The following ICE2 variants were observed in gnomAD, a reference collection of about 807,000 sequenced individuals.
ICE2 encodes the protein interactor of little elongation complex ELL subunit 2.
In ICE2, 87 loss-of-function variants were observed where a neutral mutation model predicts 105.4. That is an observed-to-expected ratio of 0.83 (90% CI 0.69 to 0.99). The LOEUF (loss-of-function observed/expected upper bound fraction) is 0.99, where lower values mean the gene tolerates loss of function less well. Ranked by LOEUF, ICE2 falls within the 50% of genes least tolerant of loss-of-function variation. ICE2 has a pLI of 0.00. For synonymous variants in ICE2, 399 were observed against 392.0 expected (o/e 1.02, Z -0.21); for missense variants, 1,323 against 1,146.7 (o/e 1.15, Z -2.22).
At chr15:60,425,693 C>T (rs1208297768) in intron 15 of ICE2, among the ~76,000 whole-genome samples, 1 of 152,140 alleles carries the variant, frequency 6.6e-6, no homozygotes, top group Non-Finnish European at 1.5e-5. Flanking sequence ...GAGGCAGAAA[C>T]GTTTGAACAA....
At position 60,448,120 on chromosome 15, in the gene ICE2, A is replaced by C. The variant is rs2063865895; in HGVS notation, c.2145T>G (p.Tyr715Ter). ...CTAGGTATTCCGATGTATCTTCAAC[A>C]TAGTCCTGAAGTTCATATGGCAATC... Reference protein sequence around the residue: ...KGRLPYELQDYVEDTSEYLAP... With the variant: ...KGRLPYELQD Residue 715 changes from tyrosine to a stop codon, truncating the protein, a stop_gained, in exon 11 of 16, where the codon TAT becomes TAG. Coordinates refer to ENST00000261520, the MANE Select transcript of ICE2 (RefSeq NM_024611.6). LOFTEE classifies it high-confidence loss of function. 6.2e-7 allele frequency: 1 copy of C among 1,611,644 alleles called. No homozygotes were observed. Among genetic ancestry groups the C allele is most frequent in the African/African-American group, 1.3e-5 (1 of 74,910 alleles).
intron 15 of ICE2, among the ~76,000 whole-genome samples, chr15:60,425,518 A>C (rs986994333): frequency 1.3e-5 from 2 of 152,222 alleles, no homozygotes; most frequent in Admixed American, 1.3e-4. Context: ...GCAGAAGTCA[A>C]AAGTAGCCCA....
chr15:60,444,061 A>T (rs2063773260), intron 11 of ICE2, among the ~76,000 whole-genome samples: 1 of 152,206 alleles, frequency 6.6e-6, no homozygotes, highest in Non-Finnish European at 1.5e-5. Flanking sequence ...TGATCGTGCT[A>T]CTGCACTCCT....
chr15:60,477,610 C>G (rs1335642715), intron 2 of ICE2, among the ~76,000 whole-genome samples: 1 of 152,084 alleles, frequency 6.6e-6, no homozygotes, highest in African/African-American at 2.4e-5. Context: ...TTTTTTATTA[C>G]TTGTATGGAA....
At chr15:60,431,833 T>C in intron 14 of ICE2, 101 bp downstream of exon 14, 1 of 624,820 alleles carries the variant, frequency 1.6e-6, no homozygotes, top group Admixed American at 3.3e-5. Context: ...CATTTCTAGG[T>C]TATTTTGTCT....
At chr15:60,477,230 T>C (rs998683774) in intron 2 of ICE2, among the ~76,000 whole-genome samples, 4 of 152,228 alleles carry the variant, frequency 2.6e-5, no homozygotes, top group Admixed American at 2.0e-4. Flanking sequence ...AATTCTTAAG[T>C]TTCTGCACAT....
Position 60,428,625 on chromosome 15 carries a change from T to C in ICE2, c.2624A>G (p.Lys875Arg). The C allele has an allele frequency of 6.2e-7, 1 of 1,614,086 alleles. No homozygotes were observed. The highest frequency in any genetic ancestry group is 2.2e-5 in the East Asian group (1 of 44,868). Residue 875 changes from lysine to arginine, a missense_variant, in exon 15 of 16, where the codon AAG becomes AGG. Physicochemically the swap from Lys to Arg is conservative, Grantham distance 26. Transcript: ENST00000261520. ...AAEDSSLLIY[K>R]ASDGKVTRTA... Reference sequence around the variant, plus strand: ...CCTAGTAACTTTTCCATCAGAGGCCTTATAAATCAGGAGTGAAGAATCTTC... The same window carrying C: ...CCTAGTAACTTTTCCATCAGAGGCCCTATAAATCAGGAGTGAAGAATCTTC...
intron 11 of ICE2, chr15:60,445,643 C>T: frequency 1.0e-6 from 1 of 984,278 alleles, no homozygotes; most frequent in Non-Finnish European, 1.2e-6. Flanking sequence ...AAGGTTATGT[C>T]TTGAAATTTA....
intron 5 of ICE2, among the ~76,000 whole-genome samples, chr15:60,463,315 C>G (rs1298648868): frequency 6.6e-6 from 1 of 152,044 alleles, no homozygotes; most frequent in African/African-American, 2.4e-5. Context: ...TGGAAACAAC[C>G]CAAGTTCCGA....
intron 11 of ICE2, 22 bp downstream of exon 11, chr15:60,447,948 A>G: frequency 6.3e-7 from 1 of 1,589,958 alleles, no homozygotes; most frequent in South Asian, 1.1e-5. Context: ...ATCATATTCT[A>G]ACTCCGCAAA....
chr15:60,463,654 T>A (rs1054028535), intron 5 of ICE2, among the ~76,000 whole-genome samples: 2 of 152,140 alleles, frequency 1.3e-5, no homozygotes, highest in African/African-American at 2.4e-5. Context: ...GAGCCTGTAA[T>A]CCCAGCTACT....
At chr15:60,437,340 T>C (rs2063617200) in intron 12 of ICE2, among the ~76,000 whole-genome samples, 1 of 151,980 alleles carries the variant, frequency 6.6e-6, no homozygotes, top group African/African-American at 2.4e-5. Context: ...TTCCAAGTTT[T>C]ACTTTTTTTT....
chr15:60,455,753 GA>G (rs1033447275), intron 6 of ICE2, among the ~76,000 whole-genome samples: 3 of 152,156 alleles, frequency 2.0e-5, no homozygotes, highest in Non-Finnish European at 4.4e-5. Flanking sequence ...GAATAGCTGG[GA>G]TAACAGGTGT....
Position 60,453,727 on chromosome 15 carries a change from G to C in ICE2, c.1001C>G (p.Thr334Ser), listed in dbSNP as rs1477498449. 3.1e-6 allele frequency: 5 copies of C among 1,605,296 alleles called. No individual in the cohort carries two copies. Among genetic ancestry groups the C allele is most frequent in the Non-Finnish European group, 4.3e-6 (5 of 1,172,132 alleles). ...AAAGATTTGATTTCTCTCTCTCATA[G>C]TCATTTTCTTTTGGGGAAGTGGTGA... ...INSPLPQKKM[T>S]MRERNQIFHE... is the part of the protein sequence containing the mutation. Residue 334 changes from threonine (T) to serine (S), a missense_variant, in exon 9 of 16, where the codon ACT becomes AGT. Coordinates refer to ENST00000261520, the MANE Select transcript of ICE2 (RefSeq NM_024611.6).
Position 60,456,782 on chromosome 15 carries a change from C to G in ICE2, c.541G>C (p.Ala181Pro). The G allele has an allele frequency of 2.7e-6, 4 of 1,487,570 alleles. No individual in the cohort carries two copies. The highest frequency in any genetic ancestry group is 2.7e-6 in the Non-Finnish European group (3 of 1,118,208). The allele number at this position is 1,487,570 out of a possible 1,614,324, so 92.1% of individuals were successfully genotyped here. ...ARLFTEKILR[A>P]CIEQVKKYSE... The stretch of plus-strand genomic sequence containing the variant: ...TACTTTTTCACTTGTTCAATGCAAG[C>G]TCTTAAAATTTTCTGAGAAACAGAA... The change falls in exon 6 of 16, where the codon GCT becomes CCT. Residue 181 changes from alanine to proline, a missense_variant. By Grantham distance (27) the Ala-to-Pro change is conservative. Coordinates refer to ENST00000261520, the MANE Select transcript of ICE2 (RefSeq NM_024611.6).
chr15:60,467,040 T>C (rs982101659), intron 4 of ICE2, among the ~76,000 whole-genome samples: 5 of 152,150 alleles, frequency 3.3e-5, no homozygotes, highest in African/African-American at 1.2e-4. Flanking sequence ...CAGGCTGGAG[T>C]GCAGTGGCAC....
intron 11 of ICE2, among the ~76,000 whole-genome samples, chr15:60,443,520 G>A (rs1481370954): frequency 1.3e-5 from 2 of 152,188 alleles, no homozygotes; most frequent in Non-Finnish European, 2.9e-5. Flanking sequence ...GCTGTTTCAT[G>A]TGATTTGCCC....
chr15:60,425,240 G>A (rs951400088), intron 15 of ICE2, among the ~76,000 whole-genome samples: 1 of 152,148 alleles, frequency 6.6e-6, no homozygotes, highest in Admixed American at 6.5e-5. Context: ...ATTTGTCTGT[G>A]TGAATCTGAT....
At chr15:60,441,302 CAGAA>C (rs1229082286) in intron 12 of ICE2, 1 of 152,038 alleles carries the variant, frequency 6.6e-6, no homozygotes, top group Non-Finnish European at 1.5e-5. Context: ...TTGAGTTAAG[CAGAA>C]AGAATCAATT....
Sources: allele counts gnomAD v4.1 joint callset (sites outside exome capture counted in the v4.1 genomes callset), GRCh38; gene constraint gnomAD v4.1.1; transcripts MANE v1.5; gene names NCBI Gene and HGNC (gene_info 2026-07-23, HGNC 2026-07-21).